CNIH1: variants seen among roughly 807,000 people sequenced by gnomAD.
CNIH1 encodes protein cornichon homolog 1.
CNIH1 carries 12 observed loss-of-function variants against 20.2 expected under a neutral mutation model. That is an observed-to-expected ratio of 0.59 (90% CI 0.38 to 0.96). The LOEUF (loss-of-function observed/expected upper bound fraction) is 0.96. Ranked by LOEUF, CNIH1 falls within the 40% of genes least tolerant of loss-of-function variation. The pLI is 0.00. For missense variants in CNIH1, 152 were observed against 178.8 expected (o/e 0.85, Z 0.85); for synonymous variants, 69 against 63.3 (o/e 1.09, Z -0.43).
Position 54,424,308 on chromosome 14 carries a change from ATGT to A in CNIH1, c.*3503_*3505del, listed in dbSNP as rs973564570. 4 of 152,252 alleles carry A rather than the reference ATGT, an allele frequency of 2.6e-5. No individual in the cohort carries two copies. The highest frequency in any genetic ancestry group is 1.9e-4 in the East Asian group (1 of 5,200). 9.4% of individuals were successfully genotyped at this position (152,252 alleles called of 1,614,324 possible). ...TCCATGTTTTTCTTTCCCCTGAAGAATGTTGTTTTAGAATATTTTTGCCATCAA... is the reference window on the plus strand; with the variant it reads ...TCCATGTTTTTCTTTCCCCTGAAGAATGTTTTAGAATATTTTTGCCATCAA... On this transcript the variant is annotated 3_prime_UTR_variant, in exon 5 of 5. Transcript: ENST00000216416.
At chr14:54,439,009 T>C (rs978666503) in intron 1 of CNIH1, among the ~76,000 whole-genome samples, 1 of 152,178 alleles carries the variant, frequency 6.6e-6, no homozygotes, top group African/African-American at 2.4e-5. Flanking sequence ...GGCTGAGACT[T>C]TCACCAGATG....
chr14:54,428,396 C>T (rs1315937069), intron 4 of CNIH1, among the ~76,000 whole-genome samples: 1 of 152,150 alleles, frequency 6.6e-6, no homozygotes, highest in Admixed American at 6.5e-5. Flanking sequence ...AAGGCAATGA[C>T]CTTTTGATTT....
At chr14:54,439,999 T>C (rs2031137164) in intron 1 of CNIH1, among the ~76,000 whole-genome samples, 1 of 152,246 alleles carries the variant, frequency 6.6e-6, no homozygotes, top group Non-Finnish European at 1.5e-5. Context: ...GTAGCAGTTA[T>C]TTCCGACACA....
At chr14:54,434,790 A>C (rs1166838171) in intron 2 of CNIH1, among the ~76,000 whole-genome samples, 1 of 152,230 alleles carries the variant, frequency 6.6e-6, no homozygotes, top group Non-Finnish European at 1.5e-5. Flanking sequence ...ACTTAGGTTA[A>C]GATGTTTTAA....
At chr14:54,430,147 A>C in intron 4 of CNIH1, 114 bp downstream of exon 4, 1 of 1,137,728 alleles carries the variant, frequency 8.8e-7, no homozygotes, top group Non-Finnish European at 1.3e-6. Context: ...CACCATGCAC[A>C]CTTAAGACAC....
chr14:54,427,811 G>A lies in CNIH1; in HGVS notation c.*3C>T. On this transcript the variant is annotated 3_prime_UTR_variant, in exon 5 of 5. Transcript: ENST00000216416. ...AACTGGACCAATTCTTCTGTGTGTT[G>A]TTCTAAGAGCTCACCAAAACATAGA... The A allele has an allele frequency of 6.2e-7, 1 of 1,613,480 alleles. No individual in the cohort carries two copies. The highest frequency in any genetic ancestry group is 8.5e-7 in the Non-Finnish European group (1 of 1,179,836).
At chr14:54,437,830 T>C (rs1264247264) in intron 1 of CNIH1, among the ~76,000 whole-genome samples, 1 of 152,202 alleles carries the variant, frequency 6.6e-6, no homozygotes, top group Non-Finnish European at 1.5e-5. Flanking sequence ...AGCCGTGGTA[T>C]ATAACCCCAA....
Position 54,423,665 on chromosome 14 carries a change from T to G in CNIH1, c.*4149A>C, listed in dbSNP as rs1331389648. ...CTGTGGACAGCGGACACAGCACCAT[T>G]AAGGTTAGCTTAGATTTGAACAAAC... On this transcript the variant is annotated 3_prime_UTR_variant, in exon 5 of 5. Transcript: ENST00000216416. 1 of 152,190 alleles carries G rather than the reference T, an allele frequency of 6.6e-6. No individual in the cohort carries two copies. Among genetic ancestry groups the G allele is most frequent in the Non-Finnish European group, 1.5e-5 (1 of 68,022 alleles). The allele number at this position is 152,190 out of a possible 1,614,324, so 9.4% of individuals were successfully genotyped here.
intron 2 of CNIH1, among the ~76,000 whole-genome samples, chr14:54,435,870 T>C (rs1423543631): frequency 1.3e-5 from 2 of 152,008 alleles, no homozygotes; most frequent in African/African-American, 4.8e-5. Flanking sequence ...GGCTATAACA[T>C]AAAAAAACGC....
chr14:54,436,054 C>T lies in CNIH1; in HGVS notation c.150+315G>A, dbSNP rs753878201. 5.7e-6 allele frequency: 4 copies of T among 701,844 alleles called. No homozygotes were observed. In the South Asian group the frequency reaches 5.9e-5, roughly 10 times the overall value. 43.5% of individuals were successfully genotyped at this position (701,844 alleles called of 1,614,324 possible). A position where few individuals can be genotyped will look rare whatever the true frequency, so the allele number is the denominator to read the frequency against. On this transcript the variant is annotated intron_variant, in intron 2 of 4. Transcript: ENST00000216416. The stretch of plus-strand genomic sequence containing the variant: ...CCATGAAATGAATATAGCATTAAAA[C>T]ATTTAACTAAAAAGCAGTACACACC...
Position 54,432,148 on chromosome 14 carries a change from G to C in CNIH1, c.223C>G (p.Leu75Val). The C allele has an allele frequency of 1.3e-6, 2 of 1,570,260 alleles. No homozygotes were observed. The highest frequency in any genetic ancestry group is 1.7e-6 in the Non-Finnish European group (2 of 1,156,708). ...GCCAAGAGGGGCATATTGAGACCCA[G>C]TGTAAGCCACTCTGCTGCACAAAGA... is the stretch of plus-strand genomic sequence containing the variant. The part of the protein sequence containing the change: ...MFLCAAEWLT[L>V]GLNMPLLAYH... Residue 75 changes from leucine to valine, a missense_variant, in exon 3 of 5, where the codon CTG becomes GTG. Transcript: ENST00000216416.
chr14:54,432,036 A>G (rs748440198), intron 3 of CNIH1, 72 bp downstream of exon 3: 33 of 704,974 alleles, frequency 4.7e-5, no homozygotes, highest in Non-Finnish European at 6.8e-5. Context: ...CTAGCATGTA[A>G]GATAACCATA....
At chr14:54,439,812 A>C (rs564756796) in intron 1 of CNIH1, among the ~76,000 whole-genome samples, 8 of 152,152 alleles carry the variant, frequency 5.3e-5, no homozygotes, top group African/African-American at 1.9e-4. Flanking sequence ...GGCCTCCCAA[A>C]GTGCTGGGAT....
chr14:54,436,023 C>G, intron 2 of CNIH1: 1 of 699,274 alleles, frequency 1.4e-6, no homozygotes, highest in Admixed American at 2.0e-5. Context: ...AATGCCCTAA[C>G]CCTCCCCATG....
chr14:54,432,721 T>C (rs1010217735), intron 2 of CNIH1, among the ~76,000 whole-genome samples: 3 of 152,174 alleles, frequency 2.0e-5, no homozygotes, highest in African/African-American at 7.2e-5. Flanking sequence ...GCAAACCACA[T>C]TGCATTCCCA....
chr14:54,433,811 C>T (rs1323547676), intron 2 of CNIH1, among the ~76,000 whole-genome samples: 2 of 152,114 alleles, frequency 1.3e-5, no homozygotes, highest in Non-Finnish European at 2.9e-5. Context: ...GAACCCCTCC[C>T]GCTCTTAATA....
In CNIH1 at chr14:54,441,363, C is replaced by T. The variant is rs747344577; in HGVS notation, c.-36G>A. 2.0e-6 allele frequency: 3 copies of T among 1,476,828 alleles called. No homozygotes were observed. Among genetic ancestry groups the T allele is most frequent in the South Asian group, 1.3e-5 (1 of 77,534 alleles). 91.5% of individuals were successfully genotyped at this position (1,476,828 alleles called of 1,614,324 possible). ...GAGGAGCGGGGAGCGGCGCCGTTGCCAGCGGAGAAAGGCGGCGCAGGGCCC... is the reference window on the plus strand; with the variant it reads ...GAGGAGCGGGGAGCGGCGCCGTTGCTAGCGGAGAAAGGCGGCGCAGGGCCC... On this transcript the variant is annotated 5_prime_UTR_variant, in exon 1 of 5. Coordinates refer to ENST00000216416, the MANE Select transcript of CNIH1 (RefSeq NM_005776.3).
chr14:54,441,121 G>A (rs2031164636), intron 1 of CNIH1, 126 bp downstream of exon 1: 3 of 977,632 alleles, frequency 3.1e-6, no homozygotes, highest in African/African-American at 1.8e-5. Flanking sequence ...CGCGCGGCCC[G>A]TGCCAGCCGG....
In CNIH1 at chr14:54,426,719, G is replaced by A. The variant is rs1269203990; in HGVS notation, c.*1095C>T. ...TTGGTAAGAGAAATGATGATGCTAT[G>A]CCATCCACGTTTATGAATCTTGTCA... is the stretch of plus-strand genomic sequence containing the variant. On this transcript the variant is annotated 3_prime_UTR_variant, in exon 5 of 5. Transcript: ENST00000216416. 1 of 152,164 alleles carries A rather than the reference G, an allele frequency of 6.6e-6. No individual in the cohort carries two copies. Among genetic ancestry groups the A allele is most frequent in the Non-Finnish European group, 1.5e-5 (1 of 68,016 alleles). The allele number at this position is 152,164 out of a possible 1,614,324, so 9.4% of individuals were successfully genotyped here.
Sources: gnomAD v4.1 joint callset for allele counts (sites outside exome capture counted in the v4.1 genomes callset) on GRCh38, gnomAD v4.1.1 for gene constraint, MANE v1.5 for transcripts, NCBI Gene and HGNC (gene_info 2026-07-23, HGNC 2026-07-21) for gene names.